Variants in ANAPC5 observed in about 807,000 individuals in gnomAD.
The protein encoded by ANAPC5 is anaphase-promoting complex subunit 5.
In ANAPC5, 60 loss-of-function variants were observed where a neutral mutation model predicts 91.3. The observed-to-expected ratio is 0.66, with a 90% CI of 0.53 to 0.81. The LOEUF (loss-of-function observed/expected upper bound fraction) is 0.81, where lower values mean the gene tolerates loss of function less well. ANAPC5 is among the 40% of genes least tolerant of loss of function. The probability of loss-of-function intolerance (pLI) is 0.00; values close to 1 mark genes in which losing one functional copy is unlikely to be tolerated. For synonymous variants in ANAPC5, 340 were observed against 364.1 expected (o/e 0.93, Z 0.75); for missense variants, 690 against 931.5 (o/e 0.74, Z 3.37).
rs144370647 is a variant in ANAPC5 at position 121,319,114 on chromosome 12, AACAC to A, written c.1638-510_1638-507del. 7.1e-3 allele frequency among the ~76,000 whole-genome samples: 812 copies of A among 114,494 alleles called. 8 individuals carry two copies. Among genetic ancestry groups the A allele is most frequent in the Non-Finnish European group, 8.7e-3 (516 of 59,570 alleles). 75.1% of individuals were successfully genotyped at this position (114,494 alleles called of 152,430 possible). ...TATGTGAGCATGCTGTGTATACACA[AACAC>A]ACACACACACACACACACACACACG... On this transcript the variant is annotated intron_variant, in intron 13 of 16. Coordinates refer to ENST00000261819, the MANE Select transcript of ANAPC5 (RefSeq NM_016237.5).
chr12:121,344,054 G>A (rs1221028336), intron 4 of ANAPC5, among the ~76,000 whole-genome samples: 2 of 152,216 alleles, frequency 1.3e-5, no homozygotes, highest in Non-Finnish European at 2.9e-5. Context: ...GTGTTACTGG[G>A]CCAGTTACCA....
chr12:121,330,141 C>T (rs1902986270), intron 9 of ANAPC5, among the ~76,000 whole-genome samples: 1 of 152,100 alleles, frequency 6.6e-6, no homozygotes, highest in Non-Finnish European at 1.5e-5. Context: ...TATTTCTTCT[C>T]TGTTGTTGAT....
At chr12:121,340,734 T>G (rs986845941) in intron 5 of ANAPC5, among the ~76,000 whole-genome samples, 3 of 21,128 alleles carry the variant, frequency 1.4e-4, no homozygotes, top group East Asian at 0.014. Flanking sequence ...TGTGTGTGTG[T>G]TTTTTTTAGC....
At chr12:121,310,702 G>A (rs1902129992) in intron 15 of ANAPC5, among the ~76,000 whole-genome samples, 1 of 152,156 alleles carries the variant, frequency 6.6e-6, no homozygotes, top group Non-Finnish European at 1.5e-5. Flanking sequence ...GGGAGGTGCA[G>A]GCGGGCAGAT....
chr12:121,313,287 T>C (rs903687190), intron 15 of ANAPC5, among the ~76,000 whole-genome samples: 4 of 151,850 alleles, frequency 2.6e-5, no homozygotes, highest in African/African-American at 7.3e-5. Flanking sequence ...GATTGCACCA[T>C]TGCACTCCAG....
rs918763537 is a variant in ANAPC5, at chr12:121,308,417, G to T, written c.*63C>A. 7.7e-7 allele frequency: 1 copy of T among 1,291,658 alleles called. No individual in the cohort carries two copies. The highest frequency in any genetic ancestry group is 1.1e-6 in the Non-Finnish European group (1 of 894,036). The allele number at this position is 1,291,658 out of a possible 1,614,324, so 80.0% of individuals were successfully genotyped here. On this transcript the variant is annotated 3_prime_UTR_variant, in exon 17 of 17. Transcript: ENST00000261819. ...CACAAATACATCATTTATAGGGAGA[G>T]AGGGGACATGAACAAGTCCAAAATC... is the stretch of plus-strand genomic sequence containing the variant.
At chr12:121,353,985 ATT>A (rs56126551), upstream of ANAPC5, among the ~76,000 whole-genome samples, 9,405 of 136,730 alleles carry the variant, frequency 0.069, 398 homozygotes, top group African/African-American at 0.12. Flanking sequence ...TGCATGGCTA[ATT>A]TTTTTTTTTT....
chr12:121,324,500 A>T (rs1322299440), intron 11 of ANAPC5, among the ~76,000 whole-genome samples: 1 of 152,188 alleles, frequency 6.6e-6, no homozygotes, highest in Non-Finnish European at 1.5e-5. Flanking sequence ...GGAATTATTA[A>T]TATAGACCCA....
intron 9 of ANAPC5, among the ~76,000 whole-genome samples, chr12:121,329,607 C>T (rs1340263882): frequency 2.7e-5 from 4 of 149,624 alleles, no homozygotes; most frequent in African/African-American, 9.8e-5. Flanking sequence ...GTTCTCCAAG[C>T]TTGTGCTTCC....
At chr12:121,353,985 ATTTTT>A (rs56126551), upstream of ANAPC5, among the ~76,000 whole-genome samples, 1 of 136,800 alleles carries the variant, frequency 7.3e-6, no homozygotes. Flanking sequence ...TGCATGGCTA[ATTTTT>A]TTTTTTTTTT....
At chr12:121,341,846 T>C (rs1593601699) in intron 5 of ANAPC5, among the ~76,000 whole-genome samples, 157 bp downstream of exon 5, 2 of 152,200 alleles carry the variant, frequency 1.3e-5, no homozygotes, top group Non-Finnish European at 2.9e-5. Flanking sequence ...CTACAAGTGC[T>C]TCGTTAGTGA....
chr12:121,323,255 T>G (rs1160223590), intron 11 of ANAPC5, among the ~76,000 whole-genome samples: 1 of 152,224 alleles, frequency 6.6e-6, no homozygotes, highest in African/African-American at 2.4e-5. Context: ...TTGAAATGTT[T>G]TCATGTTTTT....
rs182562904 is a variant in ANAPC5, at chr12:121,335,848, G to A, written c.760-125C>T. 2.3e-4 allele frequency: 178 copies of A among 761,866 alleles called. 1 individual carries two copies. The East Asian group carries it at 3.1e-3, about 13-fold the overall frequency. The allele number at this position is 761,866 out of a possible 1,614,324, so 47.2% of individuals were successfully genotyped here. ...ATACCCTTCTAATAAGATGGTCATA[G>A]TTTAGCTTAATCTTCTCCCTAGAGG... On this transcript the variant is annotated intron_variant, in intron 6 of 16. Transcript: ENST00000261819.
Position 121,345,964 on chromosome 12 carries a change from G to A in ANAPC5, c.465C>T (p.Tyr155=). ...TCTGGAAGTACTGCTGAAGGGCAGTGTACAGTTTAAACACTTGGCTGAAAG... is the reference window on the plus strand; with the variant it reads ...TCTGGAAGTACTGCTGAAGGGCAGTATACAGTTTAAACACTTGGCTGAAAG... ...KLSFSQVFKL[Y]TALQQYFQNG... is the part of the protein sequence containing the mutation. The change falls in exon 4 of 17, where the codon TAC becomes TAT. Residue 155 remains tyrosine (Y), a synonymous_variant. Transcript: ENST00000261819. 1 of 1,614,060 alleles carries A rather than the reference G, an allele frequency of 6.2e-7. No homozygotes were observed. The highest frequency in any genetic ancestry group is 8.5e-7 in the Non-Finnish European group (1 of 1,179,974).
At chr12:121,335,809 C>T in intron 6 of ANAPC5, 86 bp from the exon 7 acceptor site, 3 of 1,155,518 alleles carry the variant, frequency 2.6e-6, no homozygotes, top group East Asian at 2.5e-5. Flanking sequence ...TGTCTACAAA[C>T]ACTAGTGTAT....
At chr12:121,318,709 A>T in intron 13 of ANAPC5, 101 bp from the exon 14 acceptor site, 1 of 1,073,194 alleles carries the variant, frequency 9.3e-7, no homozygotes. Context: ...AAGGGAAAAA[A>T]CTGTGCCTGA....
intron 9 of ANAPC5, chr12:121,328,891 G>A (rs782375575): frequency 1.2e-5 from 2 of 173,330 alleles, no homozygotes; most frequent in Admixed American, 5.7e-5. Flanking sequence ...AATAATAGAT[G>A]TCAAACAGTG....
intron 6 of ANAPC5, among the ~76,000 whole-genome samples, chr12:121,336,614 A>C (rs1200529105): frequency 2.0e-5 from 3 of 152,160 alleles, no homozygotes; most frequent in Admixed American, 1.3e-4. Flanking sequence ...CGGGAGGCAG[A>C]GGTTGCAGTG....
chr12:121,328,170 T>C, intron 10 of ANAPC5, 146 bp downstream of exon 10: 1 of 732,552 alleles, frequency 1.4e-6, no homozygotes, highest in Non-Finnish European at 2.2e-6. Context: ...ATACAAAATG[T>C]TTTATAGTCT....
Sources: allele counts gnomAD v4.1 joint callset (sites outside exome capture counted in the v4.1 genomes callset), GRCh38; gene constraint gnomAD v4.1.1; transcripts MANE v1.5; gene names NCBI Gene and HGNC (gene_info 2026-07-23, HGNC 2026-07-21).